TSEN54: variants seen among roughly 807,000 people sequenced by gnomAD.
TSEN54 encodes tRNA-splicing endonuclease subunit Sen54.
Under a neutral mutation model 61.9 loss-of-function variants are expected in TSEN54, and 55 were observed. The ratio of observed to expected loss-of-function variants is 0.89; its 90% CI spans 0.72 to 1.11. The LOEUF (loss-of-function observed/expected upper bound fraction) is 1.11. TSEN54 is among the 50% of genes most tolerant of loss of function. The probability of loss-of-function intolerance (pLI) is 0.00; values close to 1 mark genes in which losing one functional copy is unlikely to be tolerated. For missense variants in TSEN54, 760 were observed against 687.7 expected (o/e 1.11, Z -1.18); for synonymous variants, 304 against 288.7 (o/e 1.05, Z -0.54).
At chr17:75,519,809 A>T (rs1376081076) in intron 6 of TSEN54, among the ~76,000 whole-genome samples, 1 of 151,686 alleles carries the variant, frequency 6.6e-6, no homozygotes, top group African/African-American at 2.4e-5. Flanking sequence ...CTGACCTCAA[A>T]TGATCCTCCC....
At chr17:75,518,437 A>C (rs2053395941) in intron 5 of TSEN54, 1 of 812,714 alleles carries the variant, frequency 1.2e-6, no homozygotes. Flanking sequence ...CCAAAGTCGC[A>C]TCACAGAAGC....
Position 75,522,024 on chromosome 17 carries a change from C to T in TSEN54, c.943C>T (p.Leu315=). The T allele has an allele frequency of 6.3e-7, 1 of 1,595,514 alleles. No individual in the cohort carries two copies. The highest frequency in any genetic ancestry group is 1.1e-5 in the South Asian group (1 of 88,556). ...NMASDSRHTL[L]RAPAPELLPA... ...GGCTTCAGACAGCCGCCACACCCTT[C>T]TGCGCGCCCCAGCCCCAGAGCTGCT... Residue 315 remains leucine (L), a synonymous_variant, in exon 8 of 11, where the codon CTG becomes TTG. Transcript: ENST00000333213.
chr17:75,517,640 C>G lies in TSEN54; in HGVS notation c.453C>G (p.Thr151=), dbSNP rs549051193. The change falls in exon 5 of 11, where the codon ACC becomes ACG. Residue 151 remains threonine (T), a synonymous_variant. Transcript: ENST00000333213. ...YQLLLTDHTV[T]FLQYQVFSHL... The stretch of plus-strand genomic sequence containing the variant: ...TGCTGCTGACCGACCACACTGTGAC[C>G]TTCCTGCAGTACCAGGTATCTGCCA... The G allele has an allele frequency of 1.9e-6, 3 of 1,613,852 alleles. No individual in the cohort carries two copies. The highest frequency in any genetic ancestry group is 8.5e-7 in the Non-Finnish European group (1 of 1,179,994).
At chr17:75,522,494 A>G (rs1392666398) in intron 8 of TSEN54, 161 bp downstream of exon 8, 1 of 1,491,078 alleles carries the variant, frequency 6.7e-7, no homozygotes, top group African/African-American at 1.4e-5. Context: ...CGGCTGCAGC[A>G]GGGCCTGTGT....
intron 6 of TSEN54, among the ~76,000 whole-genome samples, chr17:75,519,632 A>G (rs1164782006): frequency 6.6e-6 from 1 of 152,182 alleles, no homozygotes; most frequent in Non-Finnish European, 1.5e-5. Flanking sequence ...GCATGATCTC[A>G]GCTTACTGTA....
chr17:75,522,298 C>A lies in TSEN54; in HGVS notation c.1217C>A (p.Thr406Asn). Residue 406 changes from threonine (T) to asparagine (N), a missense_variant, in exon 8 of 11, where the codon ACC (threonine) becomes AAC (asparagine). Physicochemically the swap from Thr to Asn is moderately conservative, Grantham distance 65 (BLOSUM62 0). Transcript: ENST00000333213. Reference protein sequence around the residue: ...RAPHLWGQPVTPLLSPGQASS... With the variant: ...RAPHLWGQPVNPLLSPGQASS... The stretch of plus-strand genomic sequence containing the variant: ...CCTCACCTGTGGGGCCAGCCCGTCA[C>A]CCCGCTGCTGAGTCCTGGCCAGGCC... 1 of 1,546,146 alleles carries A rather than the reference C, an allele frequency of 6.5e-7. No homozygotes were observed. Among genetic ancestry groups the A allele is most frequent in the Non-Finnish European group, 8.7e-7 (1 of 1,146,802 alleles).
At chr17:75,523,366 T>C (rs1212633042) in intron 9 of TSEN54, 31 bp downstream of exon 9, 5 of 1,613,742 alleles carry the variant, frequency 3.1e-6, no homozygotes, top group Non-Finnish European at 4.2e-6. Flanking sequence ...GTCTCTGCAG[T>C]ACCTTGACCG....
intron 10 of TSEN54, 69 bp from the exon 11 acceptor site, chr17:75,524,193 T>C (rs574735882): frequency 5.0e-5 from 80 of 1,606,966 alleles, no homozygotes; most frequent in Non-Finnish European, 6.0e-5. Context: ...GTAGAATCTC[T>C]TCTCTGGGAG....
Position 75,521,962 on chromosome 17 carries a change from G to T in TSEN54, c.881G>T (p.Arg294Leu). Residue 294 changes from arginine to leucine, a missense_variant, in exon 8 of 11, where the codon CGG becomes CTG. Physicochemically the swap from Arg to Leu is moderately radical, Grantham distance 102. Transcript: ENST00000333213. ...AACGGAGTCACGGGAGCCGGTAAGC[G>T]GCGCTGGAACTTCGAGCAGATCTCC... ...AENGVTGAGK[R>L]RWNFEQISFP... The T allele has an allele frequency of 6.2e-7, 1 of 1,609,756 alleles. No homozygotes were observed.
At position 75,521,749 on chromosome 17, in the gene TSEN54, C is replaced by T. The variant is rs767591488; in HGVS notation, c.668C>T (p.Pro223Leu). The T allele has an allele frequency of 1.1e-5, 17 of 1,612,926 alleles. No individual in the cohort carries two copies. The African/African-American group carries it at 1.2e-4, about 11-fold the overall frequency. ...AAGGCCCTGGACAACTCCCTGCAAC[C>T]CAAGAGTCTGGCAGCCTCCAGCCCA... is the stretch of plus-strand genomic sequence containing the variant. ...KAKALDNSLQ[P>L]KSLAASSPPP... Residue 223 changes from proline to leucine, a missense_variant, in exon 8 of 11, where the codon CCC (proline) becomes CTC (leucine). Around this residue, in one of 3 missense-constraint regions of TSEN54, gnomAD observed 667 missense variants for 577.8 expected, o/e 1.15. Coordinates refer to ENST00000333213, the MANE Select transcript of TSEN54 (RefSeq NM_207346.3).
chr17:75,524,635 G>A lies in TSEN54; in HGVS notation c.*223G>A, dbSNP rs2053483975. 4 of 659,364 alleles carry A rather than the reference G, an allele frequency of 6.1e-6. No homozygotes were observed. Among genetic ancestry groups the A allele is most frequent in the Non-Finnish European group, 1.1e-5 (4 of 364,266 alleles). The allele number at this position is 659,364 out of a possible 1,614,324, so 40.8% of individuals were successfully genotyped here. ...TCTGGAACTCAGGACTCGATTTTAAGGACCCAGGAGGTGGGGCAGAAGAGA... is the reference window on the plus strand; with the variant it reads ...TCTGGAACTCAGGACTCGATTTTAAAGACCCAGGAGGTGGGGCAGAAGAGA... On this transcript the variant is annotated 3_prime_UTR_variant, in exon 11 of 11. Coordinates refer to ENST00000333213, the MANE Select transcript of TSEN54 (RefSeq NM_207346.3).
intron 5 of TSEN54, among the ~76,000 whole-genome samples, chr17:75,517,888 C>G (rs1290277982): frequency 4.6e-5 from 7 of 152,124 alleles, no homozygotes. Context: ...GCTGTTCATT[C>G]AGGTGAGAGA....
At position 75,516,825 on chromosome 17, in the gene TSEN54, G is replaced by C. The variant is rs1598473423; in HGVS notation, c.136G>C (p.Asp46His). 1.3e-6 allele frequency: 2 copies of C among 1,591,674 alleles called. No homozygotes were observed. The highest frequency in any genetic ancestry group is 1.3e-5 in the African/African-American group (1 of 74,718). ...GCATGGCCCCAAGGACTTTCTGCCC[G>C]ACGGCTCGGCAGCTCAGGCCGAGCG... ...RSHGPKDFLP[D>H]GSAAQAERLR... Residue 46 changes from aspartate (D) to histidine (H), a missense_variant, in exon 2 of 11, where the codon GAC becomes CAC. By Grantham distance (81) the Asp-to-His change is moderately conservative. Transcript: ENST00000333213.
rs745743164 is a variant in TSEN54, at chr17:75,518,985, T to C, written c.469-10T>C. 1.9e-6 allele frequency: 3 copies of C among 1,613,978 alleles called. No homozygotes were observed. The highest frequency in any genetic ancestry group is 2.5e-6 in the Non-Finnish European group (3 of 1,179,994). On this transcript the variant is annotated splice_polypyrimidine_tract_variant and intron_variant, in intron 5 of 10. Transcript: ENST00000333213. Reference sequence around the variant, plus strand: ...CCATCTGAGCTTTCATTTTTTTTTTTTCTTTTGAGGTCTTCAGCCACCTGA... The same window carrying C: ...CCATCTGAGCTTTCATTTTTTTTTTCTCTTTTGAGGTCTTCAGCCACCTGA...
At chr17:75,520,957 A>T (rs925202155) in intron 6 of TSEN54, among the ~76,000 whole-genome samples, 43 of 123,082 alleles carry the variant, frequency 3.5e-4, no homozygotes, top group Non-Finnish European at 6.1e-4. Flanking sequence ...TGTGTCTCAA[A>T]AAAAAAAAAA....
At chr17:75,520,757 C>T (rs1236914711) in intron 6 of TSEN54, among the ~76,000 whole-genome samples, 1 of 151,998 alleles carries the variant, frequency 6.6e-6, no homozygotes, top group African/African-American at 2.4e-5. Context: ...AGATGGAGAC[C>T]ATCCCGGCCA....
rs1308587030 is a variant in TSEN54, at chr17:75,522,049, T to C, written c.968T>C (p.Leu323Pro). Residue 323 changes from leucine to proline, a missense_variant, in exon 8 of 11, where the codon CTC (leucine) becomes CCC (proline). Coordinates refer to ENST00000333213, the MANE Select transcript of TSEN54 (RefSeq NM_207346.3). ...CTGCGCGCCCCAGCCCCAGAGCTGC[T>C]CCCGGCCAACGTGGCTGGGCGGGAG... ...TLLRAPAPEL[L>P]PANVAGRETD... The C allele has an allele frequency of 6.3e-7, 1 of 1,589,802 alleles. No individual in the cohort carries two copies. Among genetic ancestry groups the C allele is most frequent in the Non-Finnish European group, 8.6e-7 (1 of 1,168,626 alleles).
intron 8 of TSEN54, 69 bp from the exon 9 acceptor site, chr17:75,523,206 C>G (rs1004454118): frequency 1.2e-6 from 2 of 1,610,414 alleles, no homozygotes; most frequent in African/African-American, 2.7e-5. Flanking sequence ...ATCTGGCCGT[C>G]CTAAACTAGA....
Position 75,517,230 on chromosome 17 carries a change from T to C in TSEN54, c.355T>C (p.Tyr119His). ...GCGCCTTCACCCGGAAGAGGCCTTG[T>C]ATCTTCTGGAGTGTGTAAGTGGGGC... Reference protein sequence around the residue: ...RQRLHPEEALYLLECGSIHLF... With the variant: ...RQRLHPEEALHLLECGSIHLF... Residue 119 changes from tyrosine (Y) to histidine (H), a missense_variant, in exon 4 of 11, where the codon TAT becomes CAT. This residue lies in a region of TSEN54 where 667 missense variants were observed against 577.8 expected (regional missense o/e 1.15). Transcript: ENST00000333213. 1 of 1,600,638 alleles carries C rather than the reference T, an allele frequency of 6.2e-7. No homozygotes were observed. The highest frequency in any genetic ancestry group is 1.1e-5 in the South Asian group (1 of 88,930).
Sources: gnomAD v4.1 joint callset for allele counts (sites outside exome capture counted in the v4.1 genomes callset) on GRCh38, gnomAD v4.1.1 for gene constraint, gnomAD v4.1.1 regional missense constraint, MANE v1.5 for transcripts, NCBI Gene and HGNC (gene_info 2026-07-23, HGNC 2026-07-21) for gene names.